The following SAMMSON variants were observed in gnomAD, a reference collection of about 807,000 sequenced individuals.
The protein encoded by SAMMSON is long intergenic non-protein coding RNA 1212.
At chr3:70,415,423 C>T (rs548239210) in intron 2 of SAMMSON, among the ~76,000 whole-genome samples, 4 of 152,160 alleles carry the variant, frequency 2.6e-5, no homozygotes, top group East Asian at 3.9e-4. Flanking sequence ...GCTCTGACAC[C>T]GTTGTACTTA....
At chr3:70,013,351 T>C (rs1401732649) in intron 2 of SAMMSON, among the ~76,000 whole-genome samples, 1 of 152,156 alleles carries the variant, frequency 6.6e-6, no homozygotes, top group Non-Finnish European at 1.5e-5. Flanking sequence ...AGTAAAATCA[T>C]ACATATAAAG....
chr3:70,195,629 A>C (rs1312013181), intron 4 of SAMMSON, among the ~76,000 whole-genome samples: 1 of 152,174 alleles, frequency 6.6e-6, no homozygotes, highest in East Asian at 1.9e-4. Flanking sequence ...ATTACACACA[A>C]AAAAATTCCC....
At chr3:70,267,585 T>G (rs796786207) in intron 6 of SAMMSON, among the ~76,000 whole-genome samples, 76 of 146,856 alleles carry the variant, frequency 5.2e-4, no homozygotes, top group African/African-American at 1.8e-3. Flanking sequence ...TGTATTTTTT[T>G]TTTTTTTTTT....
At chr3:70,086,460 G>T (rs1391206256) in intron 4 of SAMMSON, among the ~76,000 whole-genome samples, 1 of 152,180 alleles carries the variant, frequency 6.6e-6, no homozygotes, top group Admixed American at 6.5e-5. Context: ...TTTTACTCTG[G>T]CATGGTTGAG....
Position 70,108,423 on chromosome 3 carries a change from C to CTT in SAMMSON, n.507+36875_507+36876dup, listed in dbSNP as rs61561713. On this transcript the variant is annotated intron_variant and non_coding_transcript_variant, in intron 4 of 9. Coordinates refer to ENST00000642114, the Ensembl canonical transcript of SAMMSON. Reference sequence around the variant, plus strand: ...TAGTGTTTCTCAACTCTTGCGGTTCCTTTTTTTTTTTTTTTTTTATCATAA... The same window carrying CTT: ...TAGTGTTTCTCAACTCTTGCGGTTCCTTTTTTTTTTTTTTTTTTTTATCATAA... Among the ~76,000 whole-genome samples, 224 of 89,358 alleles carry CTT rather than the reference C, an allele frequency of 2.5e-3. 30 individuals carry two copies. In the East Asian group the frequency reaches 0.05, roughly 20 times the overall value. The allele number at this position is 89,358 out of a possible 152,430, so 58.6% of individuals were successfully genotyped here.
intron 4 of SAMMSON, among the ~76,000 whole-genome samples, chr3:70,169,252 T>A (rs1014606336): frequency 1.3e-5 from 2 of 152,054 alleles, no homozygotes; most frequent in Non-Finnish European, 1.5e-5. Context: ...AAATATCATT[T>A]GAAAAAGCTT....
rs141898022 is a variant in SAMMSON at position 70,123,215 on chromosome 3, C to T, written n.507+51650C>T. 2.9e-3 allele frequency among the ~76,000 whole-genome samples: 443 copies of T among 152,298 alleles called. 1 individual carries two copies. Among genetic ancestry groups the T allele is most frequent in the African/African-American group, 9.9e-3 (411 of 41,578 alleles). Reference sequence around the variant, plus strand: ...TCTACTGATGCTGCTGGACTGGGGACATACTTTGGTAACCTCTATATTAGA... The same window carrying T: ...TCTACTGATGCTGCTGGACTGGGGATATACTTTGGTAACCTCTATATTAGA... On this transcript the variant is annotated intron_variant and non_coding_transcript_variant, in intron 4 of 9. Transcript: ENST00000642114.
chr3:70,192,065 A>G (rs535594514), intron 4 of SAMMSON, among the ~76,000 whole-genome samples: 2 of 152,266 alleles, frequency 1.3e-5, no homozygotes, highest in African/African-American at 2.4e-5. Context: ...ACCCCTAACT[A>G]TATACTAAGA....
chr3:70,094,912 T>C (rs544105742), intron 4 of SAMMSON: 2 of 152,264 alleles, frequency 1.3e-5, no homozygotes, highest in East Asian at 3.9e-4. Context: ...CATAAATCAA[T>C]ACATAGAGGC....
chr3:70,027,767 C>T (rs762435275), intron 3 of SAMMSON, among the ~76,000 whole-genome samples: 4 of 152,128 alleles, frequency 2.6e-5, no homozygotes, highest in African/African-American at 4.8e-5. Flanking sequence ...TAATGTATTG[C>T]ACTAATATAT....
chr3:70,354,851 T>G (rs367811885), intron 8 of SAMMSON, among the ~76,000 whole-genome samples: 59 of 152,270 alleles, frequency 3.9e-4, no homozygotes, highest in African/African-American at 1.4e-3. Flanking sequence ...TGCATTGTGG[T>G]CTGATTGCCT....
At chr3:70,415,424 G>A (rs1030993819) in intron 2 of SAMMSON, among the ~76,000 whole-genome samples, 3 of 152,146 alleles carry the variant, frequency 2.0e-5, no homozygotes, top group South Asian at 2.1e-4. Context: ...CTCTGACACC[G>A]TTGTACTTAA....
intron 4 of SAMMSON, among the ~76,000 whole-genome samples, chr3:70,190,744 T>C (rs1701125122): frequency 6.6e-6 from 1 of 152,042 alleles, no homozygotes; most frequent in Non-Finnish European, 1.5e-5. Flanking sequence ...AGCTAATAAA[T>C]CACTTCATGG....
intron 4 of SAMMSON, among the ~76,000 whole-genome samples, chr3:70,219,337 C>T (rs1028411400): frequency 2.0e-5 from 3 of 152,166 alleles, no homozygotes; most frequent in Non-Finnish European, 4.4e-5. Flanking sequence ...GTGTTGTTTT[C>T]TGCATGCTCC....
chr3:70,136,718 T>A (rs1459961088), intron 4 of SAMMSON, among the ~76,000 whole-genome samples: 1 of 152,182 alleles, frequency 6.6e-6, no homozygotes, highest in Non-Finnish European at 1.5e-5. Flanking sequence ...GAAATAAAAA[T>A]AGCTTAGGAG....
chr3:70,337,461 T>C (rs1702674205), intron 7 of SAMMSON, among the ~76,000 whole-genome samples: 1 of 151,812 alleles, frequency 6.6e-6, no homozygotes, highest in South Asian at 2.1e-4. Flanking sequence ...TTTCAGCTGT[T>C]AATTTTCTCT....
At chr3:70,351,049 T>C (rs1702791703) in intron 7 of SAMMSON, among the ~76,000 whole-genome samples, 1 of 152,132 alleles carries the variant, frequency 6.6e-6, no homozygotes, top group South Asian at 2.1e-4. Context: ...ATATCCTATT[T>C]CAGATATTAT....
intron 2 of SAMMSON, among the ~76,000 whole-genome samples, chr3:70,406,954 A>G (rs1415633952): frequency 6.6e-6 from 1 of 152,214 alleles, no homozygotes; most frequent in Non-Finnish European, 1.5e-5. Flanking sequence ...AAGAGGTTTA[A>G]TTGGACTTAC....
chr3:70,429,541 T>G (rs1701397326), intron 2 of SAMMSON, among the ~76,000 whole-genome samples: 1 of 152,236 alleles, frequency 6.6e-6, no homozygotes, highest in African/African-American at 2.4e-5. Flanking sequence ...GCATTGAATC[T>G]ATAAATTACT....
Sources: allele counts gnomAD v4.1 joint callset (sites outside exome capture counted in the v4.1 genomes callset), GRCh38; gene constraint gnomAD v4.1.1; transcripts MANE v1.5; gene names NCBI Gene and HGNC (gene_info 2026-07-23, HGNC 2026-07-21).